Variants in ACAT1 observed in about 807,000 individuals in gnomAD.
ACAT1 encodes the protein acetyl-CoA acetyltransferase, mitochondrial.
Under a neutral mutation model 47.3 loss-of-function variants are expected in ACAT1, and 28 were observed. The observed-to-expected ratio is 0.59, with a 90% CI of 0.44 to 0.81. The LOEUF (loss-of-function observed/expected upper bound fraction) is 0.81. Ranked by LOEUF, ACAT1 falls within the 30% of genes least tolerant of loss-of-function variation. The pLI is 0.00. For missense variants in ACAT1, 469 were observed against 524.3 expected (o/e 0.89, Z 1.03); for synonymous variants, 181 against 173.6 (o/e 1.04, Z -0.34).
At chr11:108,127,937 A>G (rs978483137) in intron 1 of ACAT1, 2 of 152,400 alleles carry the variant, frequency 1.3e-5, no homozygotes, top group Admixed American at 6.5e-5. Flanking sequence ...TGGAAGGCCA[A>G]CGCAGGAGGA....
At chr11:108,121,920 G>A in intron 1 of ACAT1, 1 of 571,770 alleles carries the variant, frequency 1.7e-6, no homozygotes, top group Non-Finnish European at 3.1e-6. Flanking sequence ...CTTAATGAGC[G>A]TTACTGGTGT....
intron 1 of ACAT1, among the ~76,000 whole-genome samples, chr11:108,124,532 C>G (rs2077214328): frequency 6.6e-6 from 1 of 152,142 alleles, no homozygotes; most frequent in South Asian, 2.1e-4. Context: ...ATCTGCCCAC[C>G]ACAGCCTCCT....
intron 10 of ACAT1, 164 bp downstream of exon 10, chr11:108,144,211 T>G: frequency 1.5e-6 from 1 of 648,088 alleles, no homozygotes; most frequent in Non-Finnish European, 2.5e-6. Flanking sequence ...GCAACAAGGA[T>G]AACAAACAAA....
intron 10 of ACAT1, among the ~76,000 whole-genome samples, chr11:108,145,871 C>T (rs1033394630): frequency 2.0e-5 from 3 of 152,092 alleles, no homozygotes; most frequent in African/African-American, 7.2e-5. Context: ...CATGGTGAAA[C>T]CCTGTCTCTA....
intron 5 of ACAT1, 114 bp downstream of exon 5, chr11:108,135,356 A>G (rs2077449245): frequency 6.3e-6 from 5 of 799,946 alleles, no homozygotes; most frequent in Non-Finnish European, 8.4e-6. Context: ...ATAAGTTAGT[A>G]TGTTTTCTCA....
At chr11:108,141,562 CTACT>C (rs762416339) in intron 7 of ACAT1, 39 bp from the exon 8 acceptor site, 1 of 1,469,942 alleles carries the variant, frequency 6.8e-7, no homozygotes, top group Admixed American at 1.7e-5. Context: ...TGCTGAATGA[CTACT>C]TGTTTTGAGC....
intron 2 of ACAT1, among the ~76,000 whole-genome samples, chr11:108,133,312 T>G (rs1285909420): frequency 6.6e-6 from 1 of 152,054 alleles, no homozygotes. Flanking sequence ...TTAGAGTTGT[T>G]TATTATGCAG....
intron 6 of ACAT1, 162 bp from the exon 7 acceptor site, chr11:108,139,903 G>GGC: frequency 1.4e-6 from 1 of 737,404 alleles, no homozygotes; most frequent in South Asian, 1.8e-5. Flanking sequence ...TGCCTGCCTT[G>GGC]GCCCCCCAAA....
intron 10 of ACAT1, among the ~76,000 whole-genome samples, chr11:108,145,017 AGAGGAAGATG>A (rs1312561386): frequency 1.3e-5 from 2 of 152,210 alleles, no homozygotes; most frequent in Non-Finnish European, 2.9e-5. Context: ...CTAGTAGAAG[AGAGGAAGATG>A]GAGGAAGAGT....
chr11:108,144,594 T>G (rs767703762), intron 10 of ACAT1, among the ~76,000 whole-genome samples: 1 of 152,038 alleles, frequency 6.6e-6, no homozygotes, highest in Non-Finnish European at 1.5e-5. Flanking sequence ...AGTAAATATT[T>G]CCTTTTGAGA....
intron 6 of ACAT1, 182 bp from the exon 7 acceptor site, chr11:108,139,883 C>T (rs1464136564): frequency 1.6e-6 from 1 of 609,150 alleles, no homozygotes; most frequent in African/African-American, 1.9e-5. Context: ...GATCTCCTGA[C>T]CTCATGATCT....
At chr11:108,137,333 T>A (rs1324478584) in intron 5 of ACAT1, among the ~76,000 whole-genome samples, 1 of 152,024 alleles carries the variant, frequency 6.6e-6, no homozygotes, top group Non-Finnish European at 1.5e-5. Context: ...TGACCTGAGG[T>A]ATAGGTTAGG....
intron 1 of ACAT1, among the ~76,000 whole-genome samples, chr11:108,123,473 C>T (rs1417169985): frequency 4.6e-5 from 7 of 152,162 alleles, no homozygotes; most frequent in South Asian, 4.1e-4. Flanking sequence ...CTTTGCTTAC[C>T]AGGTCTCTTT....
In ACAT1 at chr11:108,147,312, G is replaced by A; in HGVS notation, c.1206G>A (p.Leu402=). 1.2e-6 allele frequency: 2 copies of A among 1,613,934 alleles called. No homozygotes were observed. The highest frequency in any genetic ancestry group is 1.7e-6 in the Non-Finnish European group (2 of 1,179,924). Residue 402 remains leucine, a synonymous_variant, in exon 12 of 12, where the codon TTG becomes TTA. Transcript: ENST00000265838. ...TTGTTGGTCATTTGACTCATGCCTTGAAGCAAGGAGAATACGGTCTTGCCA... is the reference window on the plus strand; with the variant it reads ...TTGTTGGTCATTTGACTCATGCCTTAAAGCAAGGAGAATACGGTCTTGCCA... The part of the protein sequence containing the change: ...ARIVGHLTHA[L]KQGEYGLASI...
intron 5 of ACAT1, among the ~76,000 whole-genome samples, chr11:108,137,571 T>C (rs1015092568): frequency 2.6e-5 from 4 of 152,186 alleles, no homozygotes; most frequent in African/African-American, 9.7e-5. Context: ...ATGATTATTT[T>C]CATGAACTGA....
chr11:108,131,770 T>C, intron 1 of ACAT1, 137 bp from the exon 2 acceptor site: 2 of 346,628 alleles, frequency 5.8e-6, no homozygotes, highest in Non-Finnish European at 1.1e-5. Flanking sequence ...AAAAGTGATA[T>C]ATTCTGACCA....
intron 1 of ACAT1, among the ~76,000 whole-genome samples, chr11:108,125,786 C>T (rs1253981614): frequency 6.6e-6 from 1 of 151,894 alleles, no homozygotes; most frequent in Non-Finnish European, 1.5e-5. Flanking sequence ...ATTAGCCAGG[C>T]GTGGTGGCGG....
At chr11:108,118,665 C>T (rs540693815), upstream of ACAT1, among the ~76,000 whole-genome samples, 20 of 152,266 alleles carry the variant, frequency 1.3e-4, no homozygotes, top group East Asian at 1.4e-3. Context: ...CCACCGCGCC[C>T]GGCCAAGTCC....
intron 7 of ACAT1, among the ~76,000 whole-genome samples, chr11:108,141,369 C>CAAAAAAAAAAAAAAAAAA (rs60002941): frequency 2.9e-5 from 2 of 69,324 alleles, no homozygotes; most frequent in African/African-American, 6.2e-5. Flanking sequence ...AACCCTGCCT[C>CAAAAAAAAAAAAAAAAAA]AAAAAAAAAA....
Sources: gnomAD v4.1 joint callset for allele counts (sites outside exome capture counted in the v4.1 genomes callset) on GRCh38, gnomAD v4.1.1 for gene constraint, MANE v1.5 for transcripts, NCBI Gene and HGNC (gene_info 2026-07-23, HGNC 2026-07-21) for gene names.